TEX14: variants seen among roughly 807,000 people sequenced by gnomAD.
TEX14 encodes the protein testis expressed 14, intercellular bridge forming factor, also known as inactive serine/threonine-protein kinase TEX14.
TEX14 carries 168 observed loss-of-function variants against 178.6 expected under a neutral mutation model. The ratio of observed to expected loss-of-function variants is 0.94; its 90% CI spans 0.83 to 1.07. The LOEUF (loss-of-function observed/expected upper bound fraction) is 1.07, where lower values mean the gene tolerates loss of function less well. Ranked by LOEUF, TEX14 falls within the 50% of genes least tolerant of loss-of-function variation. TEX14 has a pLI of 0.00. For missense variants in TEX14, 1,730 were observed against 1,753.6 expected, an observed-to-expected ratio of 0.99 and a Z score of 0.24; for synonymous variants, 626 against 634.1, an observed-to-expected ratio of 0.99 and a Z score of 0.19.
chr17:58,632,246 T>C (rs972836241), intron 2 of TEX14, among the ~76,000 whole-genome samples: 2 of 152,206 alleles, frequency 1.3e-5, no homozygotes, highest in African/African-American at 2.4e-5. Context: ...AAGCCAAAGA[T>C]TGTGATATTT....
At chr17:58,638,740 A>T (rs931431153) in intron 2 of TEX14, among the ~76,000 whole-genome samples, 2 of 150,788 alleles carry the variant, frequency 1.3e-5, no homozygotes, top group Non-Finnish European at 2.9e-5. Context: ...GGGTTTCTCC[A>T]TGTTGGTCAG....
intron 14 of TEX14, among the ~76,000 whole-genome samples, chr17:58,594,900 C>T (rs1226199448): frequency 2.6e-5 from 4 of 152,118 alleles, no homozygotes; most frequent in Non-Finnish European, 5.9e-5. Flanking sequence ...TCCTAGCCTA[C>T]AGCAAATTAA....
At chr17:58,613,320 C>G in intron 9 of TEX14, 101 bp downstream of exon 9, 2 of 1,409,856 alleles carry the variant, frequency 1.4e-6, no homozygotes, top group Non-Finnish European at 2.0e-6. Context: ...TATTTATCTT[C>G]CATGCATGCA....
intron 1 of TEX14, among the ~76,000 whole-genome samples, chr17:58,690,087 G>A (rs2047667439): frequency 6.6e-6 from 1 of 151,982 alleles, no homozygotes; most frequent in Admixed American, 6.6e-5. Flanking sequence ...CTGACCTTGT[G>A]ATCTGCAGAA....
chr17:58,649,933 T>C (rs573203022), intron 2 of TEX14, among the ~76,000 whole-genome samples: 2 of 151,904 alleles, frequency 1.3e-5, no homozygotes, highest in Non-Finnish European at 2.9e-5. Context: ...AGAAATGGGG[T>C]TTCACTATGT....
At chr17:58,593,483 A>G (rs1336888095) in intron 15 of TEX14, 72 bp downstream of exon 15, 1 of 1,134,460 alleles carries the variant, frequency 8.8e-7, no homozygotes, top group Non-Finnish European at 1.3e-6. Flanking sequence ...TAAGAAGATC[A>G]CTGAGTGGCC....
chr17:58,569,364 A>G lies in TEX14; in HGVS notation c.3818-104T>C, dbSNP rs2044471601. ...TAGACTTGACTGAGGATTTCTCTCAATGATGAAACAAACTAAGGAGGAAGG... is the reference window on the plus strand; with the variant it reads ...TAGACTTGACTGAGGATTTCTCTCAGTGATGAAACAAACTAAGGAGGAAGG... On this transcript the variant is annotated intron_variant, in intron 25 of 31. Coordinates refer to ENST00000349033, the MANE Select transcript of TEX14 (RefSeq NM_031272.5). This position sits in a 1 kb window ranked among gnomAD's most constrained non-coding sequence, Gnocchi z 4.1. 3 of 821,430 alleles carry G rather than the reference A, an allele frequency of 3.7e-6. No homozygotes were observed. Among genetic ancestry groups the G allele is most frequent in the East Asian group, 2.6e-5 (1 of 38,526 alleles). 50.9% of individuals were successfully genotyped at this position (821,430 alleles called of 1,614,324 possible).
At chr17:58,684,630 C>CAAATAAATAAATAAAT (rs3031764) in intron 1 of TEX14, among the ~76,000 whole-genome samples, 1 of 140,370 alleles carries the variant, frequency 7.1e-6, no homozygotes, top group Non-Finnish European at 1.5e-5. Context: ...GACCCTGTCT[C>CAAATAAATAAATAAAT]AAATAAATAA....
intron 26 of TEX14, among the ~76,000 whole-genome samples, chr17:58,567,561 C>A (rs1314133394): frequency 6.6e-6 from 1 of 152,168 alleles, no homozygotes; most frequent in Non-Finnish European, 1.5e-5. Flanking sequence ...GAGCCTAGAG[C>A]TTTGGATGTG....
At chr17:58,655,470 C>A (rs1353124156) in intron 1 of TEX14, among the ~76,000 whole-genome samples, 2 of 152,166 alleles carry the variant, frequency 1.3e-5, no homozygotes, top group African/African-American at 4.8e-5. Flanking sequence ...GCAGAAGCCA[C>A]CGCACCCGGC....
intron 1 of TEX14, among the ~76,000 whole-genome samples, chr17:58,656,344 C>T (rs1003160876): frequency 3.3e-5 from 5 of 152,112 alleles, no homozygotes; most frequent in Admixed American, 3.3e-4. Context: ...ACTCAGGAGG[C>T]TGAGACAGGA....
At chr17:58,642,373 T>C (rs1230885696) in intron 2 of TEX14, among the ~76,000 whole-genome samples, 1 of 152,110 alleles carries the variant, frequency 6.6e-6, no homozygotes, top group Non-Finnish European at 1.5e-5. Context: ...CCTCTCCTAA[T>C]AGAATCTCCT....
chr17:58,598,176 T>C (rs2045335607), intron 14 of TEX14, among the ~76,000 whole-genome samples: 1 of 151,880 alleles, frequency 6.6e-6, no homozygotes, highest in Non-Finnish European at 1.5e-5. Context: ...TAGCCAGGCA[T>C]GGTGGCGCAT....
intron 1 of TEX14, among the ~76,000 whole-genome samples, chr17:58,668,421 G>C (rs916861776): frequency 2.0e-5 from 3 of 152,182 alleles, no homozygotes; most frequent in Non-Finnish European, 2.9e-5. Context: ...ATAAACCCCT[G>C]CAAATGTGGA....
In TEX14 at chr17:58,584,566, T is replaced by A; in HGVS notation, c.3105A>T (p.Gln1035His). Reference sequence around the variant, plus strand: ...CTTGGAAGGCTTCACTATGCTCTGGTTGCTCCTTTTGTCTGGGAGATGGGT... The same window carrying A: ...CTTGGAAGGCTTCACTATGCTCTGGATGCTCCTTTTGTCTGGGAGATGGGT... ...IRHPSPRQKE[Q>H]PEHSEAFQAS... Residue 1035 changes from glutamine (Q) to histidine (H), a missense_variant, in exon 19 of 32, where the codon CAA (glutamine) becomes CAT (histidine). This residue lies in a region of TEX14 where 941 missense variants were observed against 1,072.4 expected (regional missense o/e 0.88). Transcript: ENST00000349033. 6.2e-7 allele frequency: 1 copy of A among 1,614,158 alleles called. No homozygotes were observed. Among genetic ancestry groups the A allele is most frequent in the Non-Finnish European group, 8.5e-7 (1 of 1,180,002 alleles).
chr17:58,601,696 A>C (rs1360595422), intron 13 of TEX14, 110 bp downstream of exon 13: 8 of 1,080,882 alleles, frequency 7.4e-6, no homozygotes, highest in Middle Eastern at 6.3e-4. Context: ...TTTATCTCAC[A>C]AAACAAACAA....
chr17:58,648,086 T>G (rs959559016), intron 2 of TEX14: 3 of 152,262 alleles, frequency 2.0e-5, no homozygotes, highest in Non-Finnish European at 2.9e-5. Context: ...TCCTCTGATC[T>G]CAACGCTGTT....
Position 58,615,256 on chromosome 17 carries a change from A to G in TEX14, c.857T>C (p.Leu286Ser). 6.2e-7 allele frequency: 1 copy of G among 1,613,316 alleles called. No homozygotes were observed. The highest frequency in any genetic ancestry group is 8.5e-7 in the Non-Finnish European group (1 of 1,179,360). The change falls in exon 8 of 32, where the codon TTA becomes TCA. Residue 286 changes from leucine (L) to serine (S), a missense_variant. Leu to Ser is a moderately radical substitution (Grantham distance 145, BLOSUM62 -2). This residue lies in a region of TEX14 where 789 missense variants were observed against 681.2 expected (regional missense o/e 1.16). Transcript: ENST00000349033. ...HCSRLRLADL[L>S]IAEQEHSSKL... ...CCTGCTGTGTTCCTGCTCGGCAATTAACAAGTCGGCCAGCCGCAGCCTGCT... is the reference window on the plus strand; with the variant it reads ...CCTGCTGTGTTCCTGCTCGGCAATTGACAAGTCGGCCAGCCGCAGCCTGCT...
intron 22 of TEX14, among the ~76,000 whole-genome samples, chr17:58,573,531 C>T (rs544292943): frequency 4.0e-5 from 6 of 151,856 alleles, no homozygotes; most frequent in Middle Eastern, 6.8e-3. Flanking sequence ...TTTTTTTTGG[C>T]GGCAGGGACA....
Sources: allele counts gnomAD v4.1 joint callset (sites outside exome capture counted in the v4.1 genomes callset), GRCh38; gene constraint gnomAD v4.1.1; regional missense constraint gnomAD v4.1.1; non-coding constraint Gnocchi (gnomAD v3.1); transcripts MANE v1.5; gene names NCBI Gene and HGNC (gene_info 2026-07-23, HGNC 2026-07-21).